PDE4A: variants seen among roughly 807,000 people sequenced by gnomAD.
PDE4A encodes phosphodiesterase 4A.
A neutral mutation model predicts 73.9 loss-of-function variants in PDE4A; 21 were observed. The ratio of observed to expected loss-of-function variants is 0.28; its 90% CI spans 0.20 to 0.41. The LOEUF (loss-of-function observed/expected upper bound fraction) is 0.41. PDE4A is among the 10% of genes least tolerant of loss of function. PDE4A has a pLI of 1.00. For missense variants in PDE4A, 958 were observed against 1,211.4 expected (o/e 0.79, Z 3.10); for synonymous variants, 463 against 505.4 (o/e 0.92, Z 1.13).
intron 1 of PDE4A, among the ~76,000 whole-genome samples, chr19:10,445,291 A>C (rs1036635377): frequency 6.6e-6 from 1 of 152,232 alleles, no homozygotes; most frequent in African/African-American, 2.4e-5. Flanking sequence ...AAGTAGACAG[A>C]TTCTGGATAG....
upstream of PDE4A, chr19:10,417,711 C>T (rs1399414974): frequency 6.3e-7 from 1 of 1,594,128 alleles, no homozygotes; most frequent in Non-Finnish European, 8.5e-7. Flanking sequence ...GGGGGCCGAC[C>T]TGCGTCGCCC....
At chr19:10,455,465 CA>C (rs35368894) in intron 7 of PDE4A, among the ~76,000 whole-genome samples, 31,153 of 117,002 alleles carry the variant, frequency 0.27, 3,693 homozygotes, top group East Asian at 0.49. Flanking sequence ...ACTCTTGTCT[CA>C]AAAAAAAAAA....
chr19:10,459,378 C>T, intron 8 of PDE4A, 22 bp from the exon 9 acceptor site: 1 of 1,614,210 alleles, frequency 6.2e-7, no homozygotes, highest in Non-Finnish European at 8.5e-7. Flanking sequence ...GGCTTCTGAC[C>T]TCTGGCCTCC....
chr19:10,459,207 AGT>A (rs937705381), intron 8 of PDE4A, 191 bp from the exon 9 acceptor site: 1 of 910,862 alleles, frequency 1.1e-6, no homozygotes, highest in Non-Finnish European at 1.6e-6. Flanking sequence ...CTCAAAAGAC[AGT>A]GGCTGTGATT....
chr19:10,461,449 G>T, intron 11 of PDE4A, 77 bp from the exon 12 acceptor site: 1 of 1,575,076 alleles, frequency 6.3e-7, no homozygotes, highest in South Asian at 1.2e-5. Flanking sequence ...GGGTTAGCTA[G>T]TTGGGGGCGG....
At chr19:10,451,411 T>C (rs555973429) in intron 6 of PDE4A, among the ~76,000 whole-genome samples, 1 of 151,172 alleles carries the variant, frequency 6.6e-6, no homozygotes, top group Admixed American at 6.6e-5. Context: ...CGTTGGGGGG[T>C]TTTATGCTTT....
At chr19:10,421,214 C>T in intron 1 of PDE4A, 130 bp downstream of exon 1, 1 of 1,333,248 alleles carries the variant, frequency 7.5e-7, no homozygotes, top group Non-Finnish European at 9.5e-7. Flanking sequence ...GGAGGGAATT[C>T]GGCTGCGGGG....
chr19:10,436,448 G>A (rs564441911), intron 1 of PDE4A, among the ~76,000 whole-genome samples: 2 of 152,068 alleles, frequency 1.3e-5, no homozygotes, highest in African/African-American at 2.4e-5. Context: ...CCAGCTACTC[G>A]GGAGGCTGAG....
intron 6 of PDE4A, 106 bp downstream of exon 6, chr19:10,451,047 C>G: frequency 9.1e-7 from 1 of 1,102,036 alleles, no homozygotes; most frequent in Non-Finnish European, 1.3e-6. Context: ...GCGGATGGAG[C>G]CAGCCATTAG....
chr19:10,443,566 T>G (rs2042966092), intron 1 of PDE4A, among the ~76,000 whole-genome samples: 1 of 143,698 alleles, frequency 7.0e-6, no homozygotes, highest in Non-Finnish European at 1.5e-5. Flanking sequence ...AAAAAAAAAT[T>G]AGCTGAGCTT....
chr19:10,463,139 G>T (rs988398235), intron 13 of PDE4A, among the ~76,000 whole-genome samples: 2 of 150,226 alleles, frequency 1.3e-5, no homozygotes, highest in African/African-American at 4.9e-5. Context: ...CTGTCACCCA[G>T]GCTAGAGGGC....
At chr19:10,417,771 C>G (rs1176195425), upstream of PDE4A, 1 of 1,567,104 alleles carries the variant, frequency 6.4e-7, no homozygotes, top group Non-Finnish European at 8.6e-7. Context: ...CCAGCCTGAG[C>G]CCTCGGACCC....
intron 1 of PDE4A, among the ~76,000 whole-genome samples, chr19:10,421,840 G>T (rs568411043): frequency 6.6e-6 from 1 of 152,184 alleles, no homozygotes; most frequent in Non-Finnish European, 1.5e-5. Flanking sequence ...GGTATTCTCC[G>T]ATTGACCTCC....
chr19:10,460,100 G>T (rs1213521402), intron 10 of PDE4A, among the ~76,000 whole-genome samples: 1 of 151,928 alleles, frequency 6.6e-6, no homozygotes, highest in Non-Finnish European at 1.5e-5. Flanking sequence ...GGACAGGCTG[G>T]TCTCAAACTC....
chr19:10,453,096 G>T lies in PDE4A; in HGVS notation c.784-1733G>T. The T allele has an allele frequency of 7.5e-7, 1 of 1,342,004 alleles. No homozygotes were observed. The highest frequency in any genetic ancestry group is 9.5e-7 in the Non-Finnish European group (1 of 1,048,226). The allele number at this position is 1,342,004 out of a possible 1,614,324, so 83.1% of individuals were successfully genotyped here. On this transcript the variant is annotated intron_variant, in intron 6 of 14. Transcript: ENST00000380702. This position sits in a 1 kb window ranked among gnomAD's most constrained non-coding sequence, Gnocchi z 4.6. ...TGTAACCAGGGCTGCTGCTGGGAGC[G>T]CGGAGGGGAAGGGAGCCCCCAGCCC...
intron 14 of PDE4A, among the ~76,000 whole-genome samples, chr19:10,465,954 G>A (rs1374066709): frequency 6.7e-6 from 1 of 148,314 alleles, no homozygotes; most frequent in Non-Finnish European, 1.5e-5. Flanking sequence ...ACCCACCTCA[G>A]CCTCCCAAAG....
At chr19:10,452,935 C>T in intron 6 of PDE4A, 1 of 1,107,752 alleles carries the variant, frequency 9.0e-7, no homozygotes, top group Non-Finnish European at 1.1e-6. Flanking sequence ...CACACGCACA[C>T]ACACGGGTGC....
chr19:10,451,169 A>T (rs1377862402), intron 6 of PDE4A, among the ~76,000 whole-genome samples: 1 of 151,958 alleles, frequency 6.6e-6, no homozygotes, highest in Non-Finnish European at 1.5e-5. Context: ...CCACTAGGTT[A>T]GGCCTGTAGC....
At chr19:10,460,798 CAA>C (rs34675916) in intron 10 of PDE4A, 438 of 103,278 alleles carry the variant, frequency 4.2e-3, no homozygotes, top group East Asian at 0.015. Flanking sequence ...AACTCTGTCT[CAA>C]AAAAAAAAAA....
Sources: allele counts gnomAD v4.1 joint callset (sites outside exome capture counted in the v4.1 genomes callset), GRCh38; gene constraint gnomAD v4.1.1; non-coding constraint Gnocchi (gnomAD v3.1); transcripts MANE v1.5; gene names NCBI Gene and HGNC (gene_info 2026-07-23, HGNC 2026-07-21).